INPP5D: variants seen among roughly 807,000 people sequenced by gnomAD.
The protein encoded by INPP5D is phosphatidylinositol 3,4,5-trisphosphate 5-phosphatase 1.
A neutral mutation model predicts 122.9 loss-of-function variants in INPP5D; 33 were observed. The observed-to-expected ratio is 0.27, with a 90% CI of 0.20 to 0.36. The LOEUF (loss-of-function observed/expected upper bound fraction) is 0.36, where lower values mean the gene tolerates loss of function less well. INPP5D is among the 10% of genes least tolerant of loss of function. The pLI is 1.00. For synonymous variants in INPP5D, 584 were observed against 576.2 expected (o/e 1.01, Z -0.19); for missense variants, 1,053 against 1,412.7 (o/e 0.75, Z 4.08).
At chr2:233,092,137 C>A (rs1027947759) in intron 2 of INPP5D, among the ~76,000 whole-genome samples, 1 of 152,194 alleles carries the variant, frequency 6.6e-6, no homozygotes, top group Non-Finnish European at 1.5e-5. Flanking sequence ...GCGAGGTTGG[C>A]GCTGGGTCTG....
intron 1 of INPP5D, among the ~76,000 whole-genome samples, chr2:233,075,597 A>ATG (rs1279251553): frequency 1.3e-5 from 2 of 150,630 alleles, no homozygotes; most frequent in South Asian, 2.1e-4. Context: ...GTGCACATGT[A>ATG]TATGTGTGTG....
At chr2:233,131,562 T>C (rs926876999) in intron 5 of INPP5D, among the ~76,000 whole-genome samples, 1 of 149,208 alleles carries the variant, frequency 6.7e-6, no homozygotes, top group African/African-American at 2.5e-5. Flanking sequence ...TAGCTGGATG[T>C]GGTGGCACAC....
chr2:233,145,979 T>G, intron 6 of INPP5D, 183 bp from the exon 7 acceptor site: 1 of 699,404 alleles, frequency 1.4e-6, no homozygotes, highest in Non-Finnish European at 2.6e-6. Flanking sequence ...TTTTTGGCCA[T>G]GTGAATTCTG....
chr2:233,067,705 C>A (rs1297761263), intron 1 of INPP5D, among the ~76,000 whole-genome samples: 1 of 152,142 alleles, frequency 6.6e-6, no homozygotes, highest in Non-Finnish European at 1.5e-5. Context: ...TTGTTATTAT[C>A]TTTTTTATTA....
At chr2:233,143,091 AT>A (rs1693663731) in intron 6 of INPP5D, among the ~76,000 whole-genome samples, 1 of 152,202 alleles carries the variant, frequency 6.6e-6, no homozygotes, top group Non-Finnish European at 1.5e-5. Flanking sequence ...CTCTGACTCT[AT>A]TCCCCCATCA....
chr2:233,122,370 G>T (rs1241745772), intron 3 of INPP5D, 113 bp downstream of exon 3: 29 of 1,158,844 alleles, frequency 2.5e-5, no homozygotes, highest in Non-Finnish European at 3.1e-5. Flanking sequence ...TTGTTGGCGT[G>T]GGGGTTAAGG....
At position 233,093,881 on chromosome 2, in the gene INPP5D, C is replaced by T. The variant is rs938129001; in HGVS notation, c.198+14483C>T. 1.2e-4 allele frequency among the ~76,000 whole-genome samples: 18 copies of T among 152,282 alleles called. No homozygotes were observed. In the South Asian group the frequency reaches 2.1e-3, roughly 18 times the overall value. ...CCTGCCCAGTGGTGGCTTCAGGCCA[C>T]ACTCCCTTGGCAGAAGAACACGCTA... On this transcript the variant is annotated intron_variant, in intron 2 of 26. Coordinates refer to ENST00000445964, the MANE Select transcript of INPP5D (RefSeq NM_001017915.3).
intron 22 of INPP5D, among the ~76,000 whole-genome samples, chr2:233,191,927 A>G (rs1438617617): frequency 6.6e-6 from 1 of 152,218 alleles, no homozygotes; most frequent in Non-Finnish European, 1.5e-5. Flanking sequence ...GGCTCTGCCA[A>G]CACCTGGGTG....
intron 1 of INPP5D, among the ~76,000 whole-genome samples, chr2:233,060,977 C>T (rs1207506933): frequency 6.6e-6 from 1 of 152,158 alleles, no homozygotes; most frequent in Non-Finnish European, 1.5e-5. Context: ...CTCAAAGATG[C>T]CCAGCTCAGA....
intron 26 of INPP5D, among the ~76,000 whole-genome samples, chr2:233,205,977 G>A (rs1242354865): frequency 4.6e-5 from 7 of 152,232 alleles, no homozygotes; most frequent in Non-Finnish European, 4.4e-5. Context: ...TACTCGGGAG[G>A]CTGAGACAGG....
chr2:233,113,703 G>A (rs561864154), intron 2 of INPP5D, among the ~76,000 whole-genome samples: 4 of 152,118 alleles, frequency 2.6e-5, no homozygotes, highest in South Asian at 2.1e-4. Context: ...CTTGTCGACC[G>A]TGCCCTGTTC....
intron 2 of INPP5D, among the ~76,000 whole-genome samples, chr2:233,084,824 C>G (rs1691789884): frequency 6.6e-6 from 1 of 152,272 alleles, no homozygotes; most frequent in African/African-American, 2.4e-5. Context: ...GTGGGCTCCA[C>G]AGCCATGCCA....
At chr2:233,203,105 G>A (rs750218010) in intron 25 of INPP5D, among the ~76,000 whole-genome samples, 3 of 152,192 alleles carry the variant, frequency 2.0e-5, no homozygotes, top group Non-Finnish European at 2.9e-5. Flanking sequence ...CTGTGTTGCT[G>A]TGCCTGGGAA....
intron 1 of INPP5D, among the ~76,000 whole-genome samples, chr2:233,077,775 G>T (rs1691563241): frequency 1.3e-5 from 2 of 150,890 alleles, no homozygotes; most frequent in African/African-American, 2.4e-5. Flanking sequence ...CAGGAGAATT[G>T]CTTGAACCTG....
At chr2:233,098,971 A>C (rs1692227759) in intron 2 of INPP5D, among the ~76,000 whole-genome samples, 1 of 26,978 alleles carries the variant, frequency 3.7e-5, no homozygotes. Flanking sequence ...TTTATTTTTG[A>C]GACAGAGTCT....
At chr2:233,121,704 T>C (rs1692984765) in intron 2 of INPP5D, among the ~76,000 whole-genome samples, 1 of 150,736 alleles carries the variant, frequency 6.6e-6, no homozygotes, top group Non-Finnish European at 1.5e-5. Flanking sequence ...TTTTTTTTTG[T>C]TAGCAGAGAT....
rs776482683 is a variant in INPP5D, at chr2:233,195,539, G to C, written c.2693+44G>C. ...GGGTGTTGGGGGGGGTGGATATCAG[G>C]GACTCATGACAAATTAGCATGGTTT... is the stretch of plus-strand genomic sequence containing the variant. On this transcript the variant is annotated intron_variant, in intron 24 of 26. Coordinates refer to ENST00000445964, the MANE Select transcript of INPP5D (RefSeq NM_001017915.3). 7 of 1,611,702 alleles carry C rather than the reference G, an allele frequency of 4.3e-6. No individual in the cohort carries two copies. The South Asian group carries it at 7.7e-5, about 18-fold the overall frequency.
At chr2:233,143,153 T>C in intron 6 of INPP5D, among the ~76,000 whole-genome samples, 1 of 152,368 alleles carries the variant, frequency 6.6e-6, no homozygotes, top group South Asian at 2.1e-4. Context: ...GATGACTTAA[T>C]ATATTTCAGA....
intron 5 of INPP5D, 48 bp downstream of exon 5, chr2:233,130,696 G>A: frequency 6.2e-7 from 1 of 1,604,924 alleles, no homozygotes; most frequent in Non-Finnish European, 8.5e-7. Flanking sequence ...GCCACCAGGT[G>A]AGAGAAACAG....
Sources: allele counts gnomAD v4.1 joint callset (sites outside exome capture counted in the v4.1 genomes callset), GRCh38; gene constraint gnomAD v4.1.1; transcripts MANE v1.5; gene names NCBI Gene and HGNC (gene_info 2026-07-23, HGNC 2026-07-21).